The following KIF6 variants were observed in gnomAD, a reference collection of about 807,000 sequenced individuals.
KIF6 encodes kinesin family member 6.
In KIF6, 106 loss-of-function variants were observed where a neutral mutation model predicts 112.7. The ratio of observed to expected loss-of-function variants is 0.94; its 90% CI spans 0.80 to 1.11. KIF6 has a LOEUF of 1.11. Among genes scored for constraint, KIF6 ranks in the 50% least tolerant of loss-of-function variants. The pLI is 0.00. For synonymous variants in KIF6, 339 were observed against 339.9 expected, an observed-to-expected ratio of 1.00 and a Z score of 0.03; for missense variants, 929 against 964.0, an observed-to-expected ratio of 0.96 and a Z score of 0.48.
At chr6:39,674,024 A>G (rs1786991430) in intron 3 of KIF6, among the ~76,000 whole-genome samples, 1 of 152,206 alleles carries the variant, frequency 6.6e-6, no homozygotes, top group Non-Finnish European at 1.5e-5. Flanking sequence ...GGGGAAATAT[A>G]AGGTTTAGAA....
At chr6:39,431,219 A>C in intron 13 of KIF6, 58 bp from the exon 14 acceptor site, 1 of 1,016,064 alleles carries the variant, frequency 9.8e-7, no homozygotes, top group East Asian at 2.4e-5. Context: ...TATTAATTTC[A>C]TTGTCACTTC....
Position 39,333,227 on chromosome 6 carries a change from C to T in KIF6, c.*3305G>A, listed in dbSNP as rs1015879017. On this transcript the variant is annotated 3_prime_UTR_variant, in exon 23 of 23. Transcript: ENST00000287152. The stretch of plus-strand genomic sequence containing the variant: ...GCATGGAGAGACAATGAACTCTGCA[C>T]TGAGAAATCCTAGATCCAGTCATAT... The T allele has an allele frequency of 1.3e-5, 2 of 152,222 alleles. No individual in the cohort carries two copies. Among genetic ancestry groups the T allele is most frequent in the African/African-American group, 4.8e-5 (2 of 41,456 alleles). 9.4% of individuals were successfully genotyped at this position (152,222 alleles called of 1,614,324 possible).
intron 3 of KIF6, among the ~76,000 whole-genome samples, chr6:39,684,557 A>C (rs1787735340): frequency 6.6e-6 from 1 of 151,516 alleles, no homozygotes; most frequent in Admixed American, 6.6e-5. Flanking sequence ...CGGAGTTTGC[A>C]GTGAGCCGAG....
intron 13 of KIF6, among the ~76,000 whole-genome samples, chr6:39,533,072 A>G (rs1361303101): frequency 6.6e-6 from 1 of 152,228 alleles, no homozygotes; most frequent in African/African-American, 2.4e-5. Flanking sequence ...TAAAGCTCCC[A>G]GCGTGAGCGA....
intron 13 of KIF6, among the ~76,000 whole-genome samples, chr6:39,453,373 GT>G (rs2150410682): frequency 6.6e-6 from 1 of 152,288 alleles, no homozygotes; most frequent in East Asian, 1.9e-4. Flanking sequence ...TTCTGGAATG[GT>G]TTGAGATTTC....
intron 13 of KIF6, among the ~76,000 whole-genome samples, chr6:39,463,940 C>T (rs970759524): frequency 3.9e-5 from 6 of 152,296 alleles, no homozygotes; most frequent in East Asian, 1.9e-4. Context: ...AAATTTACCT[C>T]GGGTAATCTC....
At chr6:39,657,899 G>C (rs1182220913) in intron 3 of KIF6, among the ~76,000 whole-genome samples, 1 of 152,140 alleles carries the variant, frequency 6.6e-6, no homozygotes, top group Non-Finnish European at 1.5e-5. Flanking sequence ...CCCCAAAAGT[G>C]ATCTCAACAA....
intron 6 of KIF6, among the ~76,000 whole-genome samples, chr6:39,607,627 T>A (rs1782965597): frequency 6.6e-6 from 1 of 152,108 alleles, no homozygotes; most frequent in Admixed American, 6.6e-5. Flanking sequence ...AGTCGCACTA[T>A]GTTACCCAGG....
intron 13 of KIF6, among the ~76,000 whole-genome samples, chr6:39,449,643 ACTC>A (rs1432055267): frequency 2.6e-5 from 4 of 151,874 alleles, no homozygotes; most frequent in Non-Finnish European, 1.5e-5. Context: ...TGGAATGAAA[ACTC>A]CTCAGAGGCT....
chr6:39,725,405 C>T lies in KIF6; in HGVS notation c.-95G>A. 2 of 966,214 alleles carry T rather than the reference C, an allele frequency of 2.1e-6. No individual in the cohort carries two copies. Among genetic ancestry groups the T allele is most frequent in the Non-Finnish European group, 3.2e-6 (2 of 620,780 alleles). The allele number at this position is 966,214 out of a possible 1,614,324, so 59.9% of individuals were successfully genotyped here. On this transcript the variant is annotated 5_prime_UTR_variant, in exon 1 of 23. Transcript: ENST00000287152. Reference sequence around the variant, plus strand: ...CTCCGGCGACCCACAGTCTTAGCAACAGTAGCTAGGGACACTACCCAGTGA... The same window carrying T: ...CTCCGGCGACCCACAGTCTTAGCAATAGTAGCTAGGGACACTACCCAGTGA...
chr6:39,440,996 A>C (rs1581863309), intron 13 of KIF6, among the ~76,000 whole-genome samples: 2 of 152,202 alleles, frequency 1.3e-5, no homozygotes, highest in African/African-American at 4.8e-5. Flanking sequence ...ATCTTATAAG[A>C]GAAATGAGCC....
At chr6:39,502,800 C>T (rs1360366245) in intron 13 of KIF6, among the ~76,000 whole-genome samples, 3 of 152,200 alleles carry the variant, frequency 2.0e-5, no homozygotes, top group Non-Finnish European at 2.9e-5. Flanking sequence ...TCCAACTATA[C>T]TAAATATATA....
In KIF6 at chr6:39,443,152, ATAAT is replaced by A. The variant is rs1562221475; in HGVS notation, c.1646-11995_1646-11992del. On this transcript the variant is annotated intron_variant, in intron 13 of 22. Coordinates refer to ENST00000287152, the MANE Select transcript of KIF6 (RefSeq NM_145027.6). ...AATAATAATAATAATAATAATAATA[ATAAT>A]AATAAATAAAAATAAAAAAAAGAAA... Among the ~76,000 whole-genome samples, 56 of 131,186 alleles carry A rather than the reference ATAAT, an allele frequency of 4.3e-4. No individual in the cohort carries two copies. The South Asian group carries it at 9.4e-3, about 22-fold the overall frequency. 86.1% of individuals were successfully genotyped at this position (131,186 alleles called of 152,430 possible).
chr6:39,671,112 G>C (rs1007418791), intron 3 of KIF6, among the ~76,000 whole-genome samples: 2 of 152,212 alleles, frequency 1.3e-5, no homozygotes, highest in African/African-American at 4.8e-5. Flanking sequence ...TTGGCGAAAT[G>C]ATGCACAATA....
intron 3 of KIF6, among the ~76,000 whole-genome samples, chr6:39,710,529 C>A (rs1446760887): frequency 6.8e-6 from 1 of 148,144 alleles, no homozygotes; most frequent in Non-Finnish European, 1.5e-5. Context: ...AGGGAGGATA[C>A]CACATTCACA....
At chr6:39,639,913 T>A (rs1784821301) in intron 3 of KIF6, among the ~76,000 whole-genome samples, 156 bp from the exon 4 acceptor site, 1 of 152,124 alleles carries the variant, frequency 6.6e-6, no homozygotes, top group African/African-American at 2.4e-5. Flanking sequence ...CTAGCTAGAA[T>A]TTACATTTTT....
intron 13 of KIF6, among the ~76,000 whole-genome samples, chr6:39,485,648 C>T (rs1265706564): frequency 6.6e-6 from 1 of 152,172 alleles, no homozygotes; most frequent in Admixed American, 6.5e-5. Flanking sequence ...TTCTTCTACA[C>T]ATTATCAATG....
At chr6:39,352,550 A>T (rs1397456858) in intron 19 of KIF6, among the ~76,000 whole-genome samples, 7 of 151,684 alleles carry the variant, frequency 4.6e-5, no homozygotes, top group Admixed American at 1.3e-4. Flanking sequence ...TCATATGAGC[A>T]TCTTTCACTA....
Position 39,342,867 on chromosome 6 carries a change from G to A in KIF6, c.2428+842C>T. 2.0e-6 allele frequency: 2 copies of A among 985,408 alleles called. No individual in the cohort carries two copies. The highest frequency in any genetic ancestry group is 2.4e-6 in the Non-Finnish European group (2 of 829,914). 61.0% of individuals were successfully genotyped at this position (985,408 alleles called of 1,614,324 possible). A position where few individuals can be genotyped will look rare whatever the true frequency, so the allele number is the denominator to read the frequency against. ...CTGCCCAAACTGCACACGGCTGGTG[G>A]AGAAGCTGAGTGCAGGCGCCACAGG... is the stretch of plus-strand genomic sequence containing the variant. On this transcript the variant is annotated intron_variant, in intron 22 of 22. Transcript: ENST00000287152. The surrounding 1 kb of genome is among the most constrained non-coding windows in gnomAD (Gnocchi z 4.7).
Sources: gnomAD v4.1 joint callset for allele counts (sites outside exome capture counted in the v4.1 genomes callset) on GRCh38, gnomAD v4.1.1 for gene constraint, Gnocchi (gnomAD v3.1) non-coding constraint, MANE v1.5 for transcripts, NCBI Gene and HGNC (gene_info 2026-07-23, HGNC 2026-07-21) for gene names.